CAST: variants seen among roughly 807,000 people sequenced by gnomAD.
CAST encodes MIR583 host.
A neutral mutation model predicts 119.6 loss-of-function variants in CAST; 76 were observed. The ratio of observed to expected loss-of-function variants is 0.64; its 90% confidence interval spans 0.53 to 0.77. CAST has a LOEUF of 0.77. CAST is among the 30% of genes least tolerant of loss of function. CAST has a pLI of 0.00. For missense variants in CAST, 953 were observed against 946.5 expected (o/e 1.01, Z -0.09); for synonymous variants, 319 against 331.6 (o/e 0.96, Z 0.41).
intron 10 of CAST, among the ~76,000 whole-genome samples, chr5:96,736,884 A>G (rs938854942): frequency 6.6e-6 from 1 of 152,208 alleles, no homozygotes; most frequent in Non-Finnish European, 1.5e-5. Flanking sequence ...TGGGTAATTT[A>G]TAAAGAAAAG....
chr5:96,282,928 G>A, the CAST span, among the ~76,000 whole-genome samples: 1 of 151,284 alleles, frequency 6.6e-6, no homozygotes, highest in African/African-American at 2.4e-5. Flanking sequence ...AGGAGATCGA[G>A]ACCATCCTGG....
chr5:96,747,502 T>C, intron 18 of CAST, 110 bp downstream of exon 18: 1 of 668,176 alleles, frequency 1.5e-6, no homozygotes, highest in Non-Finnish European at 2.6e-6. Context: ...CATGCTAACC[T>C]AGTACAGAGG....
the CAST span, among the ~76,000 whole-genome samples, chr5:96,035,043 A>G: frequency 2.2e-5 from 2 of 92,166 alleles, no homozygotes; most frequent in East Asian, 3.0e-4. Flanking sequence ...GTATTTAAGT[A>G]TATATATATA....
the CAST span, among the ~76,000 whole-genome samples, chr5:96,328,382 C>CTCTCTCTCTCTCTCTCTCTCT: frequency 1.1e-3 from 20 of 18,958 alleles, 6 homozygotes; most frequent in South Asian, 2.8e-3. Context: ...CTTCTCTCTC[C>CTCTCTCTCTCTCTCTCTCTCT]CTCTCTCTCT....
the CAST span, among the ~76,000 whole-genome samples, chr5:96,353,119 A>AT: frequency 1.5e-5 from 2 of 133,760 alleles, no homozygotes; most frequent in African/African-American, 2.6e-5. Context: ...ATACTGATTG[A>AT]TAAAAAAAAA....
At chr5:96,545,566 G>A (rs1032691299) in intron 1 of CAST, among the ~76,000 whole-genome samples, 1 of 152,190 alleles carries the variant, frequency 6.6e-6, no homozygotes, top group Non-Finnish European at 1.5e-5. Flanking sequence ...CAAGTGATTT[G>A]CCAGTTTCTC....
At chr5:96,579,946 G>A (rs72772009) in intron 1 of CAST, among the ~76,000 whole-genome samples, 4,456 of 152,334 alleles carry the variant, frequency 0.029, 82 homozygotes, top group African/African-American at 0.048. Context: ...CTAAGTTGAT[G>A]TCTGGATCTA....
the CAST span, among the ~76,000 whole-genome samples, chr5:96,305,828 T>A: frequency 6.6e-6 from 1 of 152,208 alleles, no homozygotes; most frequent in African/African-American, 2.4e-5. Context: ...GGATAAGCTA[T>A]TTGATGTGCT....
the CAST span, among the ~76,000 whole-genome samples, chr5:96,500,516 G>A: frequency 6.6e-6 from 1 of 152,072 alleles, no homozygotes; most frequent in Admixed American, 6.6e-5. Context: ...CAATAACCTA[G>A]GCTTTTCCAC....
the CAST span, among the ~76,000 whole-genome samples, chr5:96,151,686 T>C: frequency 1.3e-5 from 2 of 152,294 alleles, no homozygotes; most frequent in African/African-American, 4.8e-5. Flanking sequence ...ACAGTATGTA[T>C]AAGGTTTATG....
chr5:95,977,469 T>A, the CAST span, among the ~76,000 whole-genome samples: 5 of 152,222 alleles, frequency 3.3e-5, no homozygotes, highest in Non-Finnish European at 7.3e-5. Flanking sequence ...ACACTGTGCT[T>A]ATGCTTCCTG....
chr5:96,320,171 G>A, the CAST span, among the ~76,000 whole-genome samples: 3 of 150,208 alleles, frequency 2.0e-5, no homozygotes, highest in South Asian at 6.3e-4. Flanking sequence ...AGCATTCAAA[G>A]CAGCTGAGAC....
intron 1 of CAST, among the ~76,000 whole-genome samples, chr5:96,620,072 G>A (rs943713488): frequency 3.3e-5 from 5 of 152,252 alleles, no homozygotes; most frequent in Non-Finnish European, 7.3e-5. Flanking sequence ...CAGGCAGGCA[G>A]TAAGGAGAAT....
intron 19 of CAST, chr5:96,748,846 C>T (rs1764354903): frequency 2.4e-5 from 9 of 380,940 alleles, no homozygotes; most frequent in Non-Finnish European, 4.3e-5. Flanking sequence ...GAACCCATGC[C>T]TTCCTTCTTA....
At chr5:96,320,755 T>C in the CAST span, among the ~76,000 whole-genome samples, 9 of 152,144 alleles carry the variant, frequency 5.9e-5, no homozygotes, top group Non-Finnish European at 1.0e-4. Flanking sequence ...TGAAAAACTA[T>C]TTAACCTCAT....
chr5:96,580,950 T>C (rs1285463933), intron 1 of CAST, among the ~76,000 whole-genome samples: 3 of 152,240 alleles, frequency 2.0e-5, no homozygotes, highest in Admixed American at 6.5e-5. Flanking sequence ...CCTTGCTCCA[T>C]GTGAGGACAC....
At chr5:96,136,926 G>A in the CAST span, among the ~76,000 whole-genome samples, 2 of 152,266 alleles carry the variant, frequency 1.3e-5, no homozygotes, top group Middle Eastern at 3.4e-3. Context: ...TACTTCCGAA[G>A]CTATTTGGGT....
At chr5:96,182,528 T>C in the CAST span, among the ~76,000 whole-genome samples, 1 of 152,218 alleles carries the variant, frequency 6.6e-6, no homozygotes, top group Admixed American at 6.5e-5. Flanking sequence ...GATGAATTGA[T>C]TTTAAATCAA....
At chr5:96,741,443 A>G (rs1207541115) in intron 14 of CAST, 51 bp from the exon 15 acceptor site, 2 of 1,500,278 alleles carry the variant, frequency 1.3e-6, no homozygotes, top group African/African-American at 2.8e-5. Context: ...AGGCTATTAC[A>G]GTTAAACTTT....
Sources: gnomAD v4.1 joint callset for allele counts (sites outside exome capture counted in the v4.1 genomes callset) on GRCh38, gnomAD v4.1.1 for gene constraint, MANE v1.5 for transcripts, NCBI Gene and HGNC (gene_info 2026-07-23, HGNC 2026-07-21) for gene names.